SLC35D4: variants seen among roughly 807,000 people sequenced by gnomAD.
SLC35D4 encodes the protein UDP-N-acetylglucosamine transporter SLC35D4.
chr18:23,387,002 TGG>T, the SLC35D4 span, among the ~76,000 whole-genome samples: 1 of 152,162 alleles, frequency 6.6e-6, no homozygotes, highest in Non-Finnish European at 1.5e-5. Flanking sequence ...CTCCACCTCC[TGG>T]GTTCAAGCAA....
At chr18:23,275,016 T>TGCTTGTGTGTGCGTATGC in the SLC35D4 span, among the ~76,000 whole-genome samples, 1 of 149,216 alleles carries the variant, frequency 6.7e-6, no homozygotes. Flanking sequence ...TGTATGTGTG[T>TGCTTGTGTGTGCGTATGC]GCTTGTGTGT....
chr18:23,354,361 A>AG, the SLC35D4 span, among the ~76,000 whole-genome samples: 51 of 126,168 alleles, frequency 4.0e-4, 1 homozygote, highest in Admixed American at 3.3e-3. Context: ...AAAAAAAAAA[A>AG]AAAAAGAAAA....
chr18:23,388,720 G>C, the SLC35D4 span, among the ~76,000 whole-genome samples: 1 of 152,178 alleles, frequency 6.6e-6, no homozygotes, highest in East Asian at 1.9e-4. Flanking sequence ...AGAAAGAACA[G>C]GTGGGAGATG....
the SLC35D4 span, among the ~76,000 whole-genome samples, chr18:23,350,889 C>T: frequency 2.0e-5 from 3 of 152,016 alleles, no homozygotes; most frequent in African/African-American, 7.3e-5. Flanking sequence ...CTGTTCCTAC[C>T]CAAAGGTTAA....
At chr18:23,245,372 G>A in the SLC35D4 span, among the ~76,000 whole-genome samples, 10 of 152,046 alleles carry the variant, frequency 6.6e-5, no homozygotes, top group South Asian at 2.1e-4. Context: ...ATAGCCAGGC[G>A]TGGTGGCGTG....
At chr18:23,383,342 T>G in the SLC35D4 span, among the ~76,000 whole-genome samples, 1 of 147,628 alleles carries the variant, frequency 6.8e-6, no homozygotes, top group Non-Finnish European at 1.5e-5. Context: ...AAGAGAAAGA[T>G]GGATGAAGGA....
At chr18:23,305,264 A>G in the SLC35D4 span, among the ~76,000 whole-genome samples, 2 of 152,204 alleles carry the variant, frequency 1.3e-5, no homozygotes, top group African/African-American at 2.4e-5. Flanking sequence ...AATTATCTAC[A>G]TACTCTTTAG....
the SLC35D4 span, among the ~76,000 whole-genome samples, chr18:23,291,970 C>A: frequency 2.6e-5 from 4 of 152,126 alleles, no homozygotes; most frequent in Non-Finnish European, 5.9e-5. Flanking sequence ...ACTGGCTTCC[C>A]CCAGAACAAG....
the SLC35D4 span, among the ~76,000 whole-genome samples, chr18:23,256,189 T>C: frequency 6.6e-6 from 1 of 152,232 alleles, no homozygotes. Flanking sequence ...AAAAGCTGGG[T>C]TGACGCCAAG....
At chr18:23,339,329 C>T in the SLC35D4 span, among the ~76,000 whole-genome samples, 1 of 152,216 alleles carries the variant, frequency 6.6e-6, no homozygotes, top group South Asian at 2.1e-4. Context: ...CAGATTGCTG[C>T]ATATTTCCTA....
At chr18:23,334,021 G>A in the SLC35D4 span, among the ~76,000 whole-genome samples, 1 of 152,180 alleles carries the variant, frequency 6.6e-6, no homozygotes, top group Non-Finnish European at 1.5e-5. Flanking sequence ...TGGGCTCACA[G>A]GCTGATAGAG....
chr18:23,372,183 G>A, the SLC35D4 span, among the ~76,000 whole-genome samples: 6 of 151,498 alleles, frequency 4.0e-5, no homozygotes, highest in South Asian at 2.1e-4. Flanking sequence ...TGATCCGCCC[G>A]CCTCGGCCTC....
At chr18:23,273,952 C>T in the SLC35D4 span, among the ~76,000 whole-genome samples, 2 of 151,608 alleles carry the variant, frequency 1.3e-5, no homozygotes, top group East Asian at 1.9e-4. Flanking sequence ...ATTTTTTTTG[C>T]GACGAGGTCT....
At chr18:23,309,861 C>A in the SLC35D4 span, 48 of 954,636 alleles carry the variant, frequency 5.0e-5, no homozygotes, top group Admixed American at 3.6e-4. Flanking sequence ...TCAGGCACTT[C>A]GTTCCACTTC....
chr18:23,252,744 C>T, the SLC35D4 span, among the ~76,000 whole-genome samples: 5 of 152,162 alleles, frequency 3.3e-5, no homozygotes, highest in Non-Finnish European at 5.9e-5. Flanking sequence ...CTAAGTGTCA[C>T]CTCATCCTAA....
the SLC35D4 span, among the ~76,000 whole-genome samples, chr18:23,242,234 C>T: frequency 0.18 from 27,592 of 152,048 alleles, 3,194 homozygotes; most frequent in Non-Finnish European, 0.25. Flanking sequence ...GCTGAGATCA[C>T]ACTATTGCAC....
the SLC35D4 span, among the ~76,000 whole-genome samples, chr18:23,325,889 A>G: frequency 1.3e-5 from 2 of 152,232 alleles, no homozygotes; most frequent in African/African-American, 4.8e-5. Context: ...TATCAAGAAG[A>G]AAACAATGCC....
chr18:23,263,043 C>T, the SLC35D4 span, among the ~76,000 whole-genome samples: 2 of 152,228 alleles, frequency 1.3e-5, no homozygotes, highest in Admixed American at 6.5e-5. Flanking sequence ...GTGCTGGGCA[C>T]TTAATGCACC....
At chr18:23,368,736 T>G in the SLC35D4 span, 1 of 1,449,686 alleles carries the variant, frequency 6.9e-7, no homozygotes, top group South Asian at 1.2e-5. Flanking sequence ...GTTTAAGTAT[T>G]GCTGGTCAAT....
Sources: gnomAD v4.1 joint callset for allele counts (sites outside exome capture counted in the v4.1 genomes callset) on GRCh38, gnomAD v4.1.1 for gene constraint, MANE v1.5 for transcripts, NCBI Gene and HGNC (gene_info 2026-07-23, HGNC 2026-07-21) for gene names.